ZNF296: variants seen among roughly 807,000 people sequenced by gnomAD.
ZNF296 encodes the protein zinc finger protein 296.
Under a neutral mutation model 13.2 loss-of-function variants are expected in ZNF296, and 1 was observed. The ratio of observed to expected loss-of-function variants is 0.08; its 90% CI spans 0.03 to 0.36. The LOEUF is 0.36. Among genes scored for constraint, ZNF296 ranks in the 10% least tolerant of loss-of-function variants. The pLI is 0.99. For synonymous variants in ZNF296, 303 were observed against 289.0 expected, an observed-to-expected ratio of 1.05 and a Z score of -0.49; for missense variants, 555 against 688.2, an observed-to-expected ratio of 0.81 and a Z score of 2.16.
Position 45,073,453 on chromosome 19 carries a change from C to G in ZNF296, c.449-873G>C, listed in dbSNP as rs1320925004. 2.0e-5 allele frequency among the ~76,000 whole-genome samples: 3 copies of G among 150,568 alleles called. No individual in the cohort carries two copies. The East Asian group carries it at 6.0e-4, about 30-fold the overall frequency. On this transcript the variant is annotated intron_variant, in intron 2 of 2. Coordinates refer to ENST00000303809, the MANE Select transcript of ZNF296 (RefSeq NM_145288.3). ...TGGCGCGATCTCGGCTCACTGCAAG[C>G]TCTGCCTCCGGGGTTCACGCCATTC...
At position 45,071,568 on chromosome 19, in the gene ZNF296, G is replaced by C; in HGVS notation, c.*33C>G. 1.3e-6 allele frequency: 2 copies of C among 1,503,566 alleles called. No homozygotes were observed. Among genetic ancestry groups the C allele is most frequent in the African/African-American group, 1.4e-5 (1 of 71,670 alleles). The allele number at this position is 1,503,566 out of a possible 1,614,324, so 93.1% of individuals were successfully genotyped here. A position where few individuals can be genotyped will look rare whatever the true frequency, so the allele number is the denominator to read the frequency against. Reference sequence around the variant, plus strand: ...AGGAGGTCAATGGGTGTTGGCAGCGGTACCAGGGACAGTGAGGGGGGCTTT... The same window carrying C: ...AGGAGGTCAATGGGTGTTGGCAGCGCTACCAGGGACAGTGAGGGGGGCTTT... On this transcript the variant is annotated 3_prime_UTR_variant, in exon 3 of 3. Transcript: ENST00000303809.
chr19:45,076,454 A>G lies in ZNF296; in HGVS notation c.-81T>C, dbSNP rs1400562895. The G allele has an allele frequency of 9.4e-7, 1 of 1,069,120 alleles. No homozygotes were observed. The highest frequency in any genetic ancestry group is 3.5e-5 in the East Asian group (1 of 28,326). 66.2% of individuals were successfully genotyped at this position (1,069,120 alleles called of 1,614,324 possible). ...GGACGCACGAGCGGAGGACGCGCGG[A>G]CCGTGCGCGCTCAGGTGAGTGACTG... On this transcript the variant is annotated 5_prime_UTR_variant, in exon 1 of 3. Coordinates refer to ENST00000303809, the MANE Select transcript of ZNF296 (RefSeq NM_145288.3). This position sits in a 1 kb window ranked among gnomAD's most constrained non-coding sequence, Gnocchi z 4.9.
At position 45,071,621 on chromosome 19, in the gene ZNF296, CAG is replaced by C; in HGVS notation, c.1406_1407del (p.Pro469ArgfsTer?). On this transcript the variant is annotated frameshift_variant, in exon 3 of 3. Transcript: ENST00000303809. LOFTEE classifies it high-confidence loss of function. ...TGGGCTCAGGCCTCGCCGGCCGCCTCAGGGTGCTTCTGCCGCAGGTGTTTGTC... is the reference window on the plus strand; with the variant it reads ...TGGGCTCAGGCCTCGCCGGCCGCCTCGGTGCTTCTGCCGCAGGTGTTTGTC... ...TLDKHLRQKH[P>X]EAAGEA The C allele has an allele frequency of 2.0e-6, 3 of 1,524,540 alleles. No individual in the cohort carries two copies. Among genetic ancestry groups the C allele is most frequent in the Non-Finnish European group, 2.6e-6 (3 of 1,141,866 alleles). 94.4% of individuals were successfully genotyped at this position (1,524,540 alleles called of 1,614,324 possible).
chr19:45,072,473 G>C lies in ZNF296; in HGVS notation c.556C>G (p.Gln186Glu), dbSNP rs760194875. The C allele has an allele frequency of 1.3e-4, 216 of 1,613,348 alleles. No individual in the cohort carries two copies. The highest frequency in any genetic ancestry group is 1.7e-4 in the Non-Finnish European group (200 of 1,180,026). The stretch of plus-strand genomic sequence containing the variant: ...GCCTCCGGGGCCTCTGATTCTGTCT[G>C]GTAGATGGACAGTCCGTGGTCCCAC... ...AQWDHGLSIY[Q>E]TESEAPEAPL... The change falls in exon 3 of 3, where the codon CAG becomes GAG. Residue 186 changes from glutamine (Q) to glutamate (E), a missense_variant. Coordinates refer to ENST00000303809, the MANE Select transcript of ZNF296 (RefSeq NM_145288.3).
rs563306975 is a variant in ZNF296, at chr19:45,073,733, T to C, written c.449-1153A>G. 1.6e-4 allele frequency among the ~76,000 whole-genome samples: 24 copies of C among 151,572 alleles called. No homozygotes were observed. In the East Asian group the frequency reaches 4.6e-3, roughly 29 times the overall value. ...GGAGCAGAGGCTTTTGAATAAGATT[T>C]TTGGTTTAGGCCGGGCACGGTGGCT... On this transcript the variant is annotated intron_variant, in intron 2 of 2. Transcript: ENST00000303809.
chr19:45,074,290 G>A (rs554787429), intron 2 of ZNF296, among the ~76,000 whole-genome samples: 115 of 152,200 alleles, frequency 7.6e-4, no homozygotes, highest in African/African-American at 2.7e-3. Context: ...GAACCTGGGA[G>A]GCGGAGGTTG....
At position 45,072,583 on chromosome 19, in the gene ZNF296, G is replaced by A; in HGVS notation, c.449-3C>T. Reference sequence around the variant, plus strand: ...CAAGGCCTTCAGCTCCTCTCGTTCTGGTAAGAAAAAGAGGCAGAGTGTTAG... The same window carrying A: ...CAAGGCCTTCAGCTCCTCTCGTTCTAGTAAGAAAAAGAGGCAGAGTGTTAG... On this transcript the variant is annotated splice_polypyrimidine_tract_variant and splice_region_variant and intron_variant, in intron 2 of 2. Transcript: ENST00000303809. 3 of 1,584,130 alleles carry A rather than the reference G, an allele frequency of 1.9e-6. No individual in the cohort carries two copies. The highest frequency in any genetic ancestry group is 1.7e-6 in the Non-Finnish European group (2 of 1,164,460).
At chr19:45,073,899 G>A (rs1457791454) in intron 2 of ZNF296, among the ~76,000 whole-genome samples, 1 of 151,662 alleles carries the variant, frequency 6.6e-6, no homozygotes, top group Non-Finnish European at 1.5e-5. Flanking sequence ...GTGCGCGCCT[G>A]TAATCCCGGC....
Position 45,071,524 on chromosome 19 carries a change from G to A in ZNF296, c.*77C>T, listed in dbSNP as rs1967253699. On this transcript the variant is annotated 3_prime_UTR_variant, in exon 3 of 3. Transcript: ENST00000303809. ...GTAAATAAAAGGGAAAATTTACTTG[G>A]AGAAGGCGGGCAAAAACGAGGAGGT... 1.3e-6 allele frequency: 2 copies of A among 1,489,354 alleles called. No homozygotes were observed. Among genetic ancestry groups the A allele is most frequent in the Non-Finnish European group, 1.8e-6 (2 of 1,127,528 alleles). The allele number at this position is 1,489,354 out of a possible 1,614,324, so 92.3% of individuals were successfully genotyped here. A position where few individuals can be genotyped will look rare whatever the true frequency, so the allele number is the denominator to read the frequency against.
In ZNF296 at chr19:45,071,938, G is replaced by A; in HGVS notation, c.1091C>T (p.Ala364Val). 6.2e-7 allele frequency: 1 copy of A among 1,613,690 alleles called. No homozygotes were observed. ...AITTEQRTDP[A>V]NSQKASPKKM... ...TTTGGGTGATGCCTTCTGGCTGTTTGCAGGGTCAGTTCTTTGTTCCGTGGT... is the reference window on the plus strand; with the variant it reads ...TTTGGGTGATGCCTTCTGGCTGTTTACAGGGTCAGTTCTTTGTTCCGTGGT... Residue 364 changes from alanine to valine, a missense_variant, in exon 3 of 3, where the codon GCA (alanine) becomes GTA (valine). Physicochemically the swap from Ala to Val is moderately conservative, Grantham distance 64 (BLOSUM62 0). Transcript: ENST00000303809.
chr19:45,071,640 G>T lies in ZNF296; in HGVS notation c.1389C>A (p.His463Gln). ...PFGLRATLDK[H>Q]LRQKHPEAAG... ...CCGCCTCAGGGTGCTTCTGCCGCAG[G>T]TGTTTGTCCAGGGTGGCTCGCAGGC... The change falls in exon 3 of 3, where the codon CAC (histidine) becomes CAA (glutamine). Residue 463 changes from histidine to glutamine, a missense_variant. This residue lies in a region of ZNF296 where 410 missense variants were observed against 548.0 expected (regional missense o/e 0.75). Transcript: ENST00000303809. 3.3e-6 allele frequency: 5 copies of T among 1,533,092 alleles called. No individual in the cohort carries two copies. The highest frequency in any genetic ancestry group is 4.4e-6 in the Non-Finnish European group (5 of 1,144,250). 95.0% of individuals were successfully genotyped at this position (1,533,092 alleles called of 1,614,324 possible). A position where few individuals can be genotyped will look rare whatever the true frequency, so the allele number is the denominator to read the frequency against.
At position 45,076,062 on chromosome 19, in the gene ZNF296, C is replaced by G. The variant is rs1476443654; in HGVS notation, c.298+14G>C. On this transcript the variant is annotated intron_variant, in intron 1 of 2. Coordinates refer to ENST00000303809, the MANE Select transcript of ZNF296 (RefSeq NM_145288.3). This position sits in a 1 kb window ranked among gnomAD's most constrained non-coding sequence, Gnocchi z 4.9. Reference sequence around the variant, plus strand: ...AAGGTAAGGGAGGCTGGGCCCAGGGCCCGGGGTGCTCACCGGGATAGTTCG... The same window carrying G: ...AAGGTAAGGGAGGCTGGGCCCAGGGGCCGGGGTGCTCACCGGGATAGTTCG... 11 of 1,578,702 alleles carry G rather than the reference C, an allele frequency of 7.0e-6. No homozygotes were observed. In the East Asian group the frequency reaches 2.5e-4, roughly 36 times the overall value.
In ZNF296 at chr19:45,076,402, G is replaced by T; in HGVS notation, c.-29C>A. 1 of 1,237,876 alleles carries T rather than the reference G, an allele frequency of 8.1e-7. No individual in the cohort carries two copies. The highest frequency in any genetic ancestry group is 4.2e-5 in the Admixed American group (1 of 23,770). 76.7% of individuals were successfully genotyped at this position (1,237,876 alleles called of 1,614,324 possible). On this transcript the variant is annotated 5_prime_UTR_variant, in exon 1 of 3. Coordinates refer to ENST00000303809, the MANE Select transcript of ZNF296 (RefSeq NM_145288.3). The surrounding 1 kb of genome is among the most constrained non-coding windows in gnomAD (Gnocchi z 4.9). ...TCGCGGGCCGGGCGAGCGAGCGGGC[G>T]GGCAGGCAGGCAGGCGGGCGGGCGG...
Position 45,076,256 on chromosome 19 carries a change from C to T in ZNF296, c.118G>A (p.Ala40Thr). Residue 40 changes from alanine to threonine, a missense_variant, in exon 1 of 3, where the codon GCG becomes ACG. This residue lies in a region of ZNF296 where 137 missense variants were observed against 121.9 expected (regional missense o/e 1.12). Coordinates refer to ENST00000303809, the MANE Select transcript of ZNF296 (RefSeq NM_145288.3). The surrounding 1 kb of genome is among the most constrained non-coding windows in gnomAD (Gnocchi z 4.9). Reference sequence around the variant, plus strand: ...AGCCTTGGGGCCTGTTGGGGCTGCGCGTCTGGCTCGGGCTTGAGTTCGATG... The same window carrying T: ...AGCCTTGGGGCCTGTTGGGGCTGCGTGTCTGGCTCGGGCTTGAGTTCGATG... ...LVIELKPEPD[A>T]QPQQAPRLGP... 1.3e-6 allele frequency: 2 copies of T among 1,499,992 alleles called. No homozygotes were observed. Among genetic ancestry groups the T allele is most frequent in the East Asian group, 5.2e-5 (2 of 38,280 alleles). 92.9% of individuals were successfully genotyped at this position (1,499,992 alleles called of 1,614,324 possible). A position where few individuals can be genotyped will look rare whatever the true frequency, so the allele number is the denominator to read the frequency against.
At position 45,072,368 on chromosome 19, in the gene ZNF296, C is replaced by G. The variant is rs1159491709; in HGVS notation, c.661G>C (p.Ala221Pro). 1.2e-6 allele frequency: 2 copies of G among 1,612,646 alleles called. No homozygotes were observed. Among genetic ancestry groups the G allele is most frequent in the East Asian group, 4.5e-5 (2 of 44,874 alleles). ...GPAAEAKSPRASGSGLTRRSP... is the reference protein window; with the variant it reads ...GPAAEAKSPRPSGSGLTRRSP... ...CGCCGGGTGAGGCCGCTGCCACTTG[C>G]ACGGGGGCTCTTGGCCTCAGCTGCT... is the stretch of plus-strand genomic sequence containing the variant. The change falls in exon 3 of 3, where the codon GCA becomes CCA. Residue 221 changes from alanine to proline, a missense_variant. By Grantham distance (27) the Ala-to-Pro change is conservative. Transcript: ENST00000303809.
chr19:45,074,016 C>G (rs1967301054), intron 2 of ZNF296, among the ~76,000 whole-genome samples: 1 of 149,306 alleles, frequency 6.7e-6, no homozygotes, highest in Non-Finnish European at 1.5e-5. Flanking sequence ...AAGCGAGACT[C>G]TGTTTCAAAA....
At chr19:45,072,636 C>T (rs1386768021) in intron 2 of ZNF296, 56 bp from the exon 3 acceptor site, 1 of 1,530,632 alleles carries the variant, frequency 6.5e-7, no homozygotes, top group African/African-American at 1.4e-5. Flanking sequence ...TGGACACCTT[C>T]TGTGGGATAG....
rs1373338345 is a variant in ZNF296 at position 45,072,237 on chromosome 19, A to G, written c.792T>C (p.Cys264=). 2.5e-6 allele frequency: 4 copies of G among 1,612,756 alleles called. No individual in the cohort carries two copies. The highest frequency in any genetic ancestry group is 3.4e-6 in the Non-Finnish European group (4 of 1,179,656). The part of the protein sequence containing the change: ...TGERPYACDQ[C]PYACAQSSKL... ...TGCTGCTCTGGGCGCAGGCGTAGGG[A>G]CACTGGTCGCAAGCATAGGGCCGCT... Residue 264 remains cysteine, a synonymous_variant, in exon 3 of 3, where the codon TGT becomes TGC. Coordinates refer to ENST00000303809, the MANE Select transcript of ZNF296 (RefSeq NM_145288.3).
Position 45,076,190 on chromosome 19 carries a change from A to C in ZNF296, c.184T>G (p.Phe62Val), listed in dbSNP as rs2122638866. ...GGGGAGTGGTGGGGTTCGCCGCCGAACCGCCCCGCCGAGGACACCTCCTTC... is the reference window on the plus strand; with the variant it reads ...GGGGAGTGGTGGGGTTCGCCGCCGACCCGCCCCGCCGAGGACACCTCCTTC... ...SPKEVSSAGR[F>V]GGEPHHSPGP... Residue 62 changes from phenylalanine (F) to valine (V), a missense_variant, in exon 1 of 3, where the codon TTC becomes GTC. Physicochemically the swap from Phe to Val is conservative, Grantham distance 50. Around this residue, in one of 3 missense-constraint regions of ZNF296, gnomAD observed 137 missense variants for 121.9 expected, o/e 1.12. Coordinates refer to ENST00000303809, the MANE Select transcript of ZNF296 (RefSeq NM_145288.3). This position sits in a 1 kb window ranked among gnomAD's most constrained non-coding sequence, Gnocchi z 4.9. 1 of 1,494,594 alleles carries C rather than the reference A, an allele frequency of 6.7e-7. No individual in the cohort carries two copies. The highest frequency in any genetic ancestry group is 8.9e-7 in the Non-Finnish European group (1 of 1,124,798). The allele number at this position is 1,494,594 out of a possible 1,614,324, so 92.6% of individuals were successfully genotyped here.
Sources: gnomAD v4.1 joint callset for allele counts (sites outside exome capture counted in the v4.1 genomes callset) on GRCh38, gnomAD v4.1.1 for gene constraint, gnomAD v4.1.1 regional missense constraint, Gnocchi (gnomAD v3.1) non-coding constraint, MANE v1.5 for transcripts, NCBI Gene and HGNC (gene_info 2026-07-23, HGNC 2026-07-21) for gene names.